NCF4: variants seen among roughly 807,000 people sequenced by gnomAD.
NCF4 encodes neutrophil cytosolic factor 4.
Under a neutral mutation model 41.7 loss-of-function variants are expected in NCF4, and 30 were observed. The observed-to-expected ratio is 0.72, with a 90% CI of 0.54 to 0.97. The LOEUF (loss-of-function observed/expected upper bound fraction) is 0.97, where lower values mean the gene tolerates loss of function less well. Among genes scored for constraint, NCF4 ranks in the 50% least tolerant of loss-of-function variants. The pLI, the probability that NCF4 is intolerant of heterozygous loss-of-function variation, is 0.00. For synonymous variants in NCF4, 195 were observed against 175.8 expected (o/e 1.11, Z -0.87); for missense variants, 432 against 460.9 (o/e 0.94, Z 0.57).
chr22:36,871,785 C>T (rs529659097), intron 6 of NCF4, 76 bp downstream of exon 6: 1 of 1,473,448 alleles, frequency 6.8e-7, no homozygotes, highest in Admixed American at 2.0e-5. Flanking sequence ...GCCACTGGGC[C>T]TCTCCTGCTG....
At chr22:36,861,746 G>T in intron 1 of NCF4, among the ~76,000 whole-genome samples, 1 of 151,974 alleles carries the variant, frequency 6.6e-6, no homozygotes, top group East Asian at 1.9e-4. Flanking sequence ...TTTCTTGAAC[G>T]TTGGCTCCCC....
chr22:36,866,829 C>T (rs968152452), intron 3 of NCF4, among the ~76,000 whole-genome samples: 2 of 152,190 alleles, frequency 1.3e-5, no homozygotes, highest in African/African-American at 2.4e-5. Flanking sequence ...GTTCATTCAT[C>T]CACTTAACAA....
In NCF4 at chr22:36,870,517, C is replaced by T. The variant is rs759057034; in HGVS notation, c.445C>T (p.Arg149Trp). 17 of 1,613,200 alleles carry T rather than the reference C, an allele frequency of 1.1e-5. No individual in the cohort carries two copies. Among genetic ancestry groups the T allele is most frequent in the Non-Finnish European group, 1.3e-5 (15 of 1,180,028 alleles). The change falls in exon 5 of 10, where the codon CGG (arginine) becomes TGG (tryptophan). Residue 149 changes from arginine to tryptophan, a missense_variant. Physicochemically the swap from Arg to Trp is moderately radical, Grantham distance 101. Transcript: ENST00000248899. ...DSEQVPQALR[R>W]LRPRTRKVKS... ...AGAGCAGGTGCCCCAGGCACTCCGC[C>T]GGCTCCGCCCGCGCACCCGGAAAGT...
At chr22:36,868,607 G>T (rs543967975) in intron 4 of NCF4, among the ~76,000 whole-genome samples, 4 of 152,018 alleles carry the variant, frequency 2.6e-5, no homozygotes, top group Non-Finnish European at 5.9e-5. Flanking sequence ...CTCCTTCAGG[G>T]TGGCTGAGGC....
At chr22:36,871,829 C>G in intron 6 of NCF4, 120 bp downstream of exon 6, 1 of 1,218,136 alleles carries the variant, frequency 8.2e-7, no homozygotes, top group Non-Finnish European at 1.2e-6. Context: ...GTGCTGGGCA[C>G]CAGGAGGAAG....
intron 2 of NCF4, 130 bp from the exon 3 acceptor site, chr22:36,864,786 CCTT>C (rs1939882925): frequency 5.5e-6 from 6 of 1,083,176 alleles, no homozygotes; most frequent in South Asian, 3.9e-5. Context: ...ACAGGGGTCT[CCTT>C]CTCCAGAGAC....
intron 9 of NCF4, among the ~76,000 whole-genome samples, chr22:36,877,219 C>A (rs888913847): frequency 6.6e-6 from 1 of 152,098 alleles, no homozygotes; most frequent in Admixed American, 6.5e-5. Context: ...TCACTGCAAC[C>A]TCTGCCTACT....
chr22:36,866,912 G>A (rs1171625656), intron 3 of NCF4, among the ~76,000 whole-genome samples: 1 of 152,158 alleles, frequency 6.6e-6, no homozygotes, highest in Non-Finnish European at 1.5e-5. Context: ...TGCCTTGAGA[G>A]ATGGAAAGAA....
At chr22:36,869,516 C>T (rs759090812) in intron 4 of NCF4, among the ~76,000 whole-genome samples, 6 of 152,154 alleles carry the variant, frequency 3.9e-5, no homozygotes, top group East Asian at 1.9e-4. Context: ...CAGTTCCTCT[C>T]GGACAAAGTT....
chr22:36,864,793 C>A, intron 2 of NCF4, 126 bp from the exon 3 acceptor site: 1 of 1,173,722 alleles, frequency 8.5e-7, no homozygotes, highest in East Asian at 2.5e-5. Context: ...TCTCCTTCTC[C>A]AGAGACCCTT....
At chr22:36,870,051 G>A in intron 4 of NCF4, 1 of 358,526 alleles carries the variant, frequency 2.8e-6, no homozygotes, top group South Asian at 2.2e-5. Flanking sequence ...CTAACTCAAG[G>A]GATGTCATGA....
chr22:36,872,802 G>T (rs1042785894), intron 7 of NCF4, among the ~76,000 whole-genome samples: 14 of 141,632 alleles, frequency 9.9e-5, no homozygotes, highest in Non-Finnish European at 2.2e-4. Flanking sequence ...TGGAGATTGA[G>T]GGTGGAGATG....
Position 36,864,932 on chromosome 22 carries a change from A to C in NCF4, c.131A>C (p.Glu44Ala). 6.2e-7 allele frequency: 1 copy of C among 1,613,878 alleles called. No homozygotes were observed. The highest frequency in any genetic ancestry group is 8.5e-7 in the Non-Finnish European group (1 of 1,179,972). Residue 44 changes from glutamate (E) to alanine (A), a missense_variant, in exon 3 of 10, where the codon GAG (glutamate) becomes GCG (alanine). Glu to Ala is a moderately radical substitution (Grantham distance 107). Coordinates refer to ENST00000248899, the MANE Select transcript of NCF4 (RefSeq NM_000631.5). ...GFTSHFVFVI[E>A]VKTKGGSKYL... The stretch of plus-strand genomic sequence containing the variant: ...TGTCCTCCTTAGGTTTTCGTCATCG[A>C]GGTGAAGACAAAAGGAGGATCCAAG...
chr22:36,868,077 G>A (rs1054039338), intron 4 of NCF4, among the ~76,000 whole-genome samples: 3 of 152,244 alleles, frequency 2.0e-5, no homozygotes, highest in Non-Finnish European at 4.4e-5. Flanking sequence ...CATCTTAAAG[G>A]CAGAGGCCAA....
chr22:36,861,467 G>A (rs926943681), intron 1 of NCF4, among the ~76,000 whole-genome samples: 11 of 152,244 alleles, frequency 7.2e-5, no homozygotes, highest in African/African-American at 2.7e-4. Context: ...GACCGGCAGT[G>A]TCTGGAGAGG....
rs568328052 is a variant in NCF4 at position 36,872,027 on chromosome 22, G to A, written c.529-300G>A. The A allele has an allele frequency of 6.1e-6, 4 of 658,790 alleles. No individual in the cohort carries two copies. In the East Asian group the frequency reaches 1.1e-4, roughly 18 times the overall value. 40.8% of individuals were successfully genotyped at this position (658,790 alleles called of 1,614,324 possible). A position where few individuals can be genotyped will look rare whatever the true frequency, so the allele number is the denominator to read the frequency against. On this transcript the variant is annotated intron_variant, in intron 6 of 9. Coordinates refer to ENST00000248899, the MANE Select transcript of NCF4 (RefSeq NM_000631.5). Reference sequence around the variant, plus strand: ...GAAGCTGCAGAGATGACTCAGACAAGGCCCAGCCCACGATGAAGCCTGGGG... The same window carrying A: ...GAAGCTGCAGAGATGACTCAGACAAAGCCCAGCCCACGATGAAGCCTGGGG...
In NCF4 at chr22:36,870,397, G is replaced by A. The variant is rs1190497533; in HGVS notation, c.343-18G>A. The A allele has an allele frequency of 6.2e-7, 1 of 1,613,490 alleles. No individual in the cohort carries two copies. Among genetic ancestry groups the A allele is most frequent in the Non-Finnish European group, 8.5e-7 (1 of 1,180,046 alleles). Reference sequence around the variant, plus strand: ...TTCTGCTGACTACCCCACCGGTTCTGCTGTCTCACCCACACAGAGCCTGCT... The same window carrying A: ...TTCTGCTGACTACCCCACCGGTTCTACTGTCTCACCCACACAGAGCCTGCT... On this transcript the variant is annotated intron_variant, in intron 4 of 9. Coordinates refer to ENST00000248899, the MANE Select transcript of NCF4 (RefSeq NM_000631.5).
chr22:36,875,974 C>A, intron 8 of NCF4, 55 bp from the exon 9 acceptor site: 1 of 1,614,024 alleles, frequency 6.2e-7, no homozygotes, highest in Non-Finnish European at 8.5e-7. Context: ...TTTCCCCCAC[C>A]CCACACCCCA....
At position 36,866,265 on chromosome 22, in the gene NCF4, T is replaced by C. The variant is rs562231022; in HGVS notation, c.272-1127T>C. ...TTTAGCTCTGACTACTCCACTGAAA[T>C]TCCTCTCGGTGAGGTGGGCCATGAC... is the stretch of plus-strand genomic sequence containing the variant. On this transcript the variant is annotated intron_variant, in intron 3 of 9. Coordinates refer to ENST00000248899, the MANE Select transcript of NCF4 (RefSeq NM_000631.5). Among the ~76,000 whole-genome samples the C allele has an allele frequency of 2.0e-5, 3 of 152,180 alleles. No homozygotes were observed. The South Asian group carries it at 6.2e-4, about 32-fold the overall frequency.
Sources: gnomAD v4.1 joint callset for allele counts (sites outside exome capture counted in the v4.1 genomes callset) on GRCh38, gnomAD v4.1.1 for gene constraint, MANE v1.5 for transcripts, NCBI Gene and HGNC (gene_info 2026-07-23, HGNC 2026-07-21) for gene names.